The following CACNA1C variants were observed in gnomAD, a reference collection of about 807,000 sequenced individuals.
The protein encoded by CACNA1C is voltage-dependent L-type calcium channel subunit alpha-1C.
CACNA1C carries 30 observed loss-of-function variants against 229.0 expected under a neutral mutation model. That is an observed-to-expected ratio of 0.13 (90% CI 0.10 to 0.18). The LOEUF is 0.18. Among genes scored for constraint, CACNA1C ranks in the 10% least tolerant of loss-of-function variants. The pLI is 1.00. For synonymous variants in CACNA1C, 1,114 were observed against 1,132.5 expected (o/e 0.98, Z 0.33); for missense variants, 1,658 against 2,845.0 (o/e 0.58, Z 9.49).
rs910081515 is a variant in CACNA1C at position 2,205,487 on chromosome 12, C to A, written c.477+85057C>A. Among the ~76,000 whole-genome samples, 6 of 152,338 alleles carry A rather than the reference C, an allele frequency of 3.9e-5. 1 individual carries two copies. In the South Asian group the frequency reaches 6.2e-4, roughly 16 times the overall value. On this transcript the variant is annotated intron_variant, in intron 3 of 46. Coordinates refer to ENST00000399655, the MANE Select transcript of CACNA1C (RefSeq NM_000719.7). ...TAACCTTTCATCTTGCCCTGTGGTGCTCTTGGCTCCTATAGCACTGAAAAC... is the reference window on the plus strand; with the variant it reads ...TAACCTTTCATCTTGCCCTGTGGTGATCTTGGCTCCTATAGCACTGAAAAC...
intron 3 of CACNA1C, among the ~76,000 whole-genome samples, chr12:2,339,481 A>G (rs2096796123): frequency 6.6e-6 from 1 of 152,250 alleles, no homozygotes; most frequent in Non-Finnish European, 1.5e-5. Context: ...TTAGCTTGCT[A>G]TAACTTTTTT....
chr12:2,106,053 C>T lies in CACNA1C; in HGVS notation c.50-9171C>T, dbSNP rs12812409. Among the ~76,000 whole-genome samples the T allele has an allele frequency of 4.9e-5, 2 of 40,534 alleles. 1 individual carries two copies. The highest frequency in any genetic ancestry group is 1.5e-4 in the African/African-American group (2 of 13,562). 26.6% of individuals were successfully genotyped at this position (40,534 alleles called of 152,430 possible). On this transcript the variant is annotated intron_variant, in intron 1 of 46. Coordinates refer to ENST00000399655, the MANE Select transcript of CACNA1C (RefSeq NM_000719.7). ...GCTGGGGCGTCCTGAAGCCACTGGG[C>T]GCCCACCCTGGAGAAGGTTTCCACC...
chr12:2,648,246 G>A (rs2094546433), intron 30 of CACNA1C, among the ~76,000 whole-genome samples: 1 of 152,208 alleles, frequency 6.6e-6, no homozygotes, highest in African/African-American at 2.4e-5. Flanking sequence ...AAGGGCATAG[G>A]TAGGAGAATG....
chr12:2,302,958 C>T (rs533362967), intron 3 of CACNA1C, among the ~76,000 whole-genome samples: 9 of 152,238 alleles, frequency 5.9e-5, no homozygotes, highest in Non-Finnish European at 8.8e-5. Flanking sequence ...CTTGCGGCCC[C>T]GGGAGGGGGG....
intron 13 of CACNA1C, among the ~76,000 whole-genome samples, chr12:2,573,825 A>G (rs1029047071): frequency 2.6e-5 from 4 of 152,270 alleles, no homozygotes; most frequent in Admixed American, 6.5e-5. Context: ...TGTCACTTGC[A>G]TTACAAAATG....
At chr12:2,104,502 C>A (rs2077482927) in intron 1 of CACNA1C, among the ~76,000 whole-genome samples, 1 of 152,212 alleles carries the variant, frequency 6.6e-6, no homozygotes, top group African/African-American at 2.4e-5. Flanking sequence ...AATATATAAT[C>A]ATGTTATCTG....
At chr12:2,166,292 C>G (rs2096226280) in intron 3 of CACNA1C, among the ~76,000 whole-genome samples, 1 of 152,200 alleles carries the variant, frequency 6.6e-6, no homozygotes, top group Admixed American at 6.5e-5. Flanking sequence ...AGTAGTCATT[C>G]TTTGGGATTA....
chr12:2,122,424 G>A (rs2087262278), intron 3 of CACNA1C, among the ~76,000 whole-genome samples: 1 of 152,144 alleles, frequency 6.6e-6, no homozygotes, highest in African/African-American at 2.4e-5. Flanking sequence ...GTGGGGGGTG[G>A]CATCAGAAAA....
At chr12:2,098,980 G>C (rs900821057) in intron 1 of CACNA1C, among the ~76,000 whole-genome samples, 1 of 152,170 alleles carries the variant, frequency 6.6e-6, no homozygotes, top group Non-Finnish European at 1.5e-5. Flanking sequence ...TGTGAGGGGC[G>C]GCCGTAGAGC....
chr12:2,433,852 G>A (rs1012978822), intron 3 of CACNA1C, among the ~76,000 whole-genome samples: 1 of 152,136 alleles, frequency 6.6e-6, no homozygotes, highest in Non-Finnish European at 1.5e-5. Context: ...GTGTGGAATG[G>A]GCCCTTCGCA....
At chr12:2,124,009 T>C (rs1351289975) in intron 3 of CACNA1C, among the ~76,000 whole-genome samples, 4 of 152,078 alleles carry the variant, frequency 2.6e-5, no homozygotes, top group African/African-American at 9.7e-5. Flanking sequence ...ATCATCATCC[T>C]TGTCAACCTA....
At chr12:2,019,562 G>A (rs1206741594) in intron 1 of CACNA1C, among the ~76,000 whole-genome samples, 2 of 137,336 alleles carry the variant, frequency 1.5e-5, no homozygotes, top group Non-Finnish European at 1.5e-5. Flanking sequence ...AGGAAGGAAG[G>A]AAGGAAAGAA....
intron 5 of CACNA1C, among the ~76,000 whole-genome samples, chr12:2,485,409 G>A (rs531786855): frequency 6.6e-6 from 1 of 152,198 alleles, no homozygotes; most frequent in East Asian, 1.9e-4. Context: ...GTTATTTCTG[G>A]TATAACCGAG....
In CACNA1C at chr12:2,164,958, G is replaced by A. The variant is rs114591150; in HGVS notation, c.477+44528G>A. Among the ~76,000 whole-genome samples, 507 of 152,320 alleles carry A rather than the reference G, an allele frequency of 3.3e-3. 4 individuals are homozygous for A. Among genetic ancestry groups the A allele is most frequent in the African/African-American group, 0.012 (497 of 41,572 alleles). On this transcript the variant is annotated intron_variant, in intron 3 of 46. Transcript: ENST00000399655. ...TCTAGTCCTTTGGTGAGCATTTTCT[G>A]ACTTGTAAACTATTGGTTGCATTTT... is the stretch of plus-strand genomic sequence containing the variant.
intron 1 of CACNA1C, among the ~76,000 whole-genome samples, chr12:2,055,286 G>A (rs1320717206): frequency 1.3e-5 from 2 of 152,198 alleles, no homozygotes; most frequent in African/African-American, 2.4e-5. Flanking sequence ...GAGTGGGGAT[G>A]CAAGATGACT....
chr12:2,106,808 G>A (rs1353840883), intron 1 of CACNA1C, among the ~76,000 whole-genome samples: 2 of 126,728 alleles, frequency 1.6e-5, no homozygotes. Flanking sequence ...TGCTCACCCC[G>A]GGGAGGGTTT....
At chr12:2,583,012 C>T (rs1055989809) in intron 15 of CACNA1C, 70 bp downstream of exon 15, 29 of 1,178,062 alleles carry the variant, frequency 2.5e-5, no homozygotes, top group African/African-American at 1.2e-4. Flanking sequence ...GCCAAACGGG[C>T]ACGCCCCTCA....
chr12:2,580,344 G>A (rs2060057733), intron 13 of CACNA1C, among the ~76,000 whole-genome samples: 1 of 152,178 alleles, frequency 6.6e-6, no homozygotes, highest in Admixed American at 6.5e-5. Flanking sequence ...CTGTCCCTTG[G>A]TGTGGAACCA....
Position 2,081,139 on chromosome 12 carries a change from T to C in CACNA1C, c.49+27528T>C, listed in dbSNP as rs149558360. ...AAAGCAAGCAGGGAGAAAAGACAGA[T>C]TATTTCTGTACAAACACCAGACTTC... is the stretch of plus-strand genomic sequence containing the variant. On this transcript the variant is annotated intron_variant, in intron 1 of 46. Coordinates refer to ENST00000399655, the MANE Select transcript of CACNA1C (RefSeq NM_000719.7). 7.9e-5 allele frequency among the ~76,000 whole-genome samples: 12 copies of C among 152,282 alleles called. No individual in the cohort carries two copies. In the East Asian group the frequency reaches 1.9e-3, roughly 24 times the overall value.
Sources: gnomAD v4.1 joint callset for allele counts (sites outside exome capture counted in the v4.1 genomes callset) on GRCh38, gnomAD v4.1.1 for gene constraint, MANE v1.5 for transcripts, NCBI Gene and HGNC (gene_info 2026-07-23, HGNC 2026-07-21) for gene names.